YJEFN3: variants seen among roughly 807,000 people sequenced by gnomAD.
The protein encoded by YJEFN3 is yjeF N-terminal domain-containing protein 3.
Under a neutral mutation model 31.5 loss-of-function variants are expected in YJEFN3, and 29 were observed. The observed-to-expected ratio is 0.92, with a 90% CI of 0.69 to 1.26. The LOEUF is 1.26. Among genes scored for constraint, YJEFN3 ranks in the 50% most tolerant of loss-of-function variants. The probability of loss-of-function intolerance (pLI) is 0.00; values close to 1 mark genes in which losing one functional copy is unlikely to be tolerated. For missense variants in YJEFN3, 442 were observed against 425.4 expected, an observed-to-expected ratio of 1.04 and a Z score of -0.34; for synonymous variants, 227 against 196.1, an observed-to-expected ratio of 1.16 and a Z score of -1.32.
At position 19,533,794 on chromosome 19, in the gene YJEFN3, C is replaced by T. The variant is rs1375877277; in HGVS notation, c.318+1054C>T. 1.3e-5 allele frequency: 13 copies of T among 985,324 alleles called. No individual in the cohort carries two copies. In the Admixed American group the frequency reaches 3.1e-4, roughly 23 times the overall value. The allele number at this position is 985,324 out of a possible 1,614,324, so 61.0% of individuals were successfully genotyped here. On this transcript the variant is annotated intron_variant, in intron 3 of 6. Coordinates refer to ENST00000514277, the MANE Select transcript of YJEFN3 (RefSeq NM_198537.4). Reference sequence around the variant, plus strand: ...AAAATCAAAACCCCAGAAAGAAACCCAGTAGTCACTACTCGCCTGGCGCTC... The same window carrying T: ...AAAATCAAAACCCCAGAAAGAAACCTAGTAGTCACTACTCGCCTGGCGCTC...
At chr19:19,532,351 C>A (rs2061164970) in intron 2 of YJEFN3, among the ~76,000 whole-genome samples, 1 of 152,246 alleles carries the variant, frequency 6.6e-6, no homozygotes, top group Non-Finnish European at 1.5e-5. Flanking sequence ...CGCTTTGGAG[C>A]AGTAGAACCA....
intron 3 of YJEFN3, chr19:19,533,113 C>G: frequency 9.7e-7 from 1 of 1,031,198 alleles, no homozygotes; most frequent in Non-Finnish European, 1.2e-6. Context: ...GGTGGGGAAA[C>G]TGAAGCTCAG....
At chr19:19,536,084 G>A (rs1600370726) in intron 6 of YJEFN3, 2 of 485,020 alleles carry the variant, frequency 4.1e-6, no homozygotes, top group Non-Finnish European at 7.3e-6. Context: ...GACTCCGGGG[G>A]ATGTCCCCTG....
In YJEFN3 at chr19:19,534,293, A is replaced by C; in HGVS notation, c.319-741A>C. The C allele has an allele frequency of 2.0e-6, 1 of 498,818 alleles. No individual in the cohort carries two copies. Among genetic ancestry groups the C allele is most frequent in the Non-Finnish European group, 2.6e-6 (1 of 384,954 alleles). 30.9% of individuals were successfully genotyped at this position (498,818 alleles called of 1,614,324 possible). On this transcript the variant is annotated intron_variant, in intron 3 of 6. Transcript: ENST00000514277. This position sits in a 1 kb window ranked among gnomAD's most constrained non-coding sequence, Gnocchi z 4.6. ...GAGAAAGAGAGCCAGAGACATACAG[A>C]AAGACAGAGACACTAGAGTCTGAGA...
At position 19,535,335 on chromosome 19, in the gene YJEFN3, A is replaced by C; in HGVS notation, c.430-2A>C. ...TCTGACCCCCTCTTCTCCCACCCCCAGGAGTATGAACCCACCATCTTCTAC... is the reference window on the plus strand; with the variant it reads ...TCTGACCCCCTCTTCTCCCACCCCCCGGAGTATGAACCCACCATCTTCTAC... On this transcript the variant is annotated splice_acceptor_variant, in intron 4 of 6. Coordinates refer to ENST00000514277, the MANE Select transcript of YJEFN3 (RefSeq NM_198537.4). LOFTEE classifies it high-confidence loss of function. The C allele has an allele frequency of 6.2e-7, 1 of 1,613,390 alleles. No individual in the cohort carries two copies. The highest frequency in any genetic ancestry group is 8.5e-7 in the Non-Finnish European group (1 of 1,179,736).
Position 19,537,563 on chromosome 19 carries a change from AAAC to A in YJEFN3, c.*41_*43del. ...CCACACCGCAGGGACCCTCGCCAAT[AAAC>A]AGCCCTCCCACCACCGCCGCCTCGC... is the stretch of plus-strand genomic sequence containing the variant. On this transcript the variant is annotated 3_prime_UTR_variant, in exon 7 of 7. Coordinates refer to ENST00000514277, the MANE Select transcript of YJEFN3 (RefSeq NM_198537.4). 1 of 1,486,536 alleles carries A rather than the reference AAAC, an allele frequency of 6.7e-7. No homozygotes were observed. Among genetic ancestry groups the A allele is most frequent in the Non-Finnish European group, 9.0e-7 (1 of 1,117,162 alleles). The allele number at this position is 1,486,536 out of a possible 1,614,324, so 92.1% of individuals were successfully genotyped here.
chr19:19,537,567 A>G lies in YJEFN3; in HGVS notation c.*43A>G. ...ACCGCAGGGACCCTCGCCAATAAACAGCCCTCCCACCACCGCCGCCTCGCC... is the reference window on the plus strand; with the variant it reads ...ACCGCAGGGACCCTCGCCAATAAACGGCCCTCCCACCACCGCCGCCTCGCC... On this transcript the variant is annotated 3_prime_UTR_variant, in exon 7 of 7. Transcript: ENST00000514277. The G allele has an allele frequency of 1.4e-6, 2 of 1,478,380 alleles. No individual in the cohort carries two copies. The highest frequency in any genetic ancestry group is 2.6e-5 in the South Asian group (2 of 76,924). 91.6% of individuals were successfully genotyped at this position (1,478,380 alleles called of 1,614,324 possible). A position where few individuals can be genotyped will look rare whatever the true frequency, so the allele number is the denominator to read the frequency against.
In YJEFN3 at chr19:19,529,389, G is replaced by A; in HGVS notation, c.85G>A (p.Ala29Thr). ...GGCCTTGGAGCTGCAGCCCCCACTT[G>A]CCGACATGGGAAGAGCGGAGCTTAG... The part of the protein sequence containing the change: ...LRALELQPPL[A>T]DMGRAELSSN... Residue 29 changes from alanine (A) to threonine (T), a missense_variant, in exon 2 of 7, where the codon GCC (alanine) becomes ACC (threonine). Coordinates refer to ENST00000514277, the MANE Select transcript of YJEFN3 (RefSeq NM_198537.4). 1 of 1,613,468 alleles carries A rather than the reference G, an allele frequency of 6.2e-7. No homozygotes were observed. Among genetic ancestry groups the A allele is most frequent in the Non-Finnish European group, 8.5e-7 (1 of 1,179,706 alleles).
At chr19:19,529,889 G>A (rs189093813) in intron 2 of YJEFN3, among the ~76,000 whole-genome samples, 4 of 152,332 alleles carry the variant, frequency 2.6e-5, no homozygotes, top group Admixed American at 2.6e-4. Context: ...GGAGTTTGGA[G>A]TTTGAATGTT....
rs1339237580 is a variant in YJEFN3 at position 19,534,174 on chromosome 19, T to A, written c.319-860T>A. ...CCAAAATGCCTGGAGAGACAGAGTC[T>A]GAGAGATACAGAGATGGCCAGAGAC... On this transcript the variant is annotated intron_variant, in intron 3 of 6. Transcript: ENST00000514277. This position sits in a 1 kb window ranked among gnomAD's most constrained non-coding sequence, Gnocchi z 4.6. 4.1e-6 allele frequency: 4 copies of A among 985,272 alleles called. No individual in the cohort carries two copies. Among genetic ancestry groups the A allele is most frequent in the Non-Finnish European group, 4.8e-6 (4 of 829,992 alleles). The allele number at this position is 985,272 out of a possible 1,614,324, so 61.0% of individuals were successfully genotyped here. A position where few individuals can be genotyped will look rare whatever the true frequency, so the allele number is the denominator to read the frequency against.
chr19:19,533,591 T>TA (rs1339227173), intron 3 of YJEFN3: 1 of 844,248 alleles, frequency 1.2e-6, no homozygotes, highest in East Asian at 1.3e-4. Flanking sequence ...CCTTCCCACT[T>TA]ACCCTACCTC....
intron 6 of YJEFN3, among the ~76,000 whole-genome samples, chr19:19,536,303 A>T (rs1252886270): frequency 6.6e-6 from 1 of 152,220 alleles, no homozygotes; most frequent in Admixed American, 6.5e-5. Context: ...GGGAGGATCC[A>T]GTGTCTTCTG....
At chr19:19,536,156 G>A (rs374217972) in intron 6 of YJEFN3, 3 of 325,472 alleles carry the variant, frequency 9.2e-6, no homozygotes, top group African/African-American at 6.6e-5. Context: ...AAGGGAGGCG[G>A]CGTGCTGTCT....
chr19:19,532,993 G>A, intron 3 of YJEFN3: 2 of 1,277,128 alleles, frequency 1.6e-6, no homozygotes, highest in Non-Finnish European at 2.0e-6. Flanking sequence ...CCCTGGAAGT[G>A]CAACCCCTCC....
chr19:19,537,440 C>A lies in YJEFN3; in HGVS notation c.816C>A (p.Gly272=). Reference sequence around the variant, plus strand: ...CCGGGCGCCACCACTTCGTGGCCGGCAGGTTCGTGCCCGATGACGTGCGCC... The same window carrying A: ...CCGGGCGCCACCACTTCGTGGCCGGAAGGTTCGTGCCCGATGACGTGCGCC... ...RFSGRHHFVA[G]RFVPDDVRRK... is the part of the protein sequence containing the mutation. Residue 272 remains glycine (G), a synonymous_variant, in exon 7 of 7, where the codon GGC becomes GGA. Transcript: ENST00000514277. 1.3e-6 allele frequency: 2 copies of A among 1,588,344 alleles called. No homozygotes were observed. Among genetic ancestry groups the A allele is most frequent in the Non-Finnish European group, 1.7e-6 (2 of 1,173,288 alleles).
rs372652738 is a variant in YJEFN3, at chr19:19,535,034, G to A, written c.319G>A (p.Ala107Thr). ...CCTTTGCTGTGTCCCCTACCACCAG[G>A]CGTTCCCGTTGCCCGCTCTCTCCCG... is the stretch of plus-strand genomic sequence containing the variant. Reference protein sequence around the residue: ...GHASAVAVTKAFPLPALSRKQ... With the variant: ...GHASAVAVTKTFPLPALSRKQ... Residue 107 changes from alanine to threonine, a missense_variant and splice_region_variant, in exon 4 of 7, where the codon GCG (alanine) becomes ACG (threonine). Transcript: ENST00000514277. 80 of 1,593,976 alleles carry A rather than the reference G, an allele frequency of 5.0e-5. No individual in the cohort carries two copies. The Middle Eastern group carries it at 5.0e-4, about 10-fold the overall frequency.
Position 19,534,670 on chromosome 19 carries a change from C to T in YJEFN3, c.319-364C>T, listed in dbSNP as rs982705090. Reference sequence around the variant, plus strand: ...AAGGTTGGGCTCCCCTACTCCACAGCCTCCAGGAGGGGCTGAGGTCTGGAA... The same window carrying T: ...AAGGTTGGGCTCCCCTACTCCACAGTCTCCAGGAGGGGCTGAGGTCTGGAA... On this transcript the variant is annotated intron_variant, in intron 3 of 6. Transcript: ENST00000514277. The surrounding 1 kb of genome is among the most constrained non-coding windows in gnomAD (Gnocchi z 4.6). 1 of 177,930 alleles carries T rather than the reference C, an allele frequency of 5.6e-6. No homozygotes were observed. The highest frequency in any genetic ancestry group is 1.2e-5 in the Non-Finnish European group (1 of 85,092). 11.0% of individuals were successfully genotyped at this position (177,930 alleles called of 1,614,324 possible). A position where few individuals can be genotyped will look rare whatever the true frequency, so the allele number is the denominator to read the frequency against.
chr19:19,528,968 G>T lies in YJEFN3; in HGVS notation c.36G>T (p.Ala12=), dbSNP rs1189749598. ...CAGCCGGCCCAGACCCGTCGGAGGC[G>T]CCCGAAGAGCGGCATTTCCTCAGGT... The part of the protein sequence containing the change: ...SSAAGPDPSE[A]PEERHFLRAL... Residue 12 remains alanine, a synonymous_variant, in exon 1 of 7, where the codon GCG becomes GCT. Transcript: ENST00000514277. 1 of 1,550,206 alleles carries T rather than the reference G, an allele frequency of 6.5e-7. No homozygotes were observed. The highest frequency in any genetic ancestry group is 8.7e-7 in the Non-Finnish European group (1 of 1,146,774).
chr19:19,529,559 C>A (rs1469699384), intron 2 of YJEFN3, 46 bp downstream of exon 2: 1 of 1,595,892 alleles, frequency 6.3e-7, no homozygotes, highest in Non-Finnish European at 8.5e-7. Context: ...CTGTGACTCT[C>A]ACCTCATCCT....
Sources: gnomAD v4.1 joint callset for allele counts (sites outside exome capture counted in the v4.1 genomes callset) on GRCh38, gnomAD v4.1.1 for gene constraint, Gnocchi (gnomAD v3.1) non-coding constraint, MANE v1.5 for transcripts, NCBI Gene and HGNC (gene_info 2026-07-23, HGNC 2026-07-21) for gene names.